SNTB1: variants seen among roughly 807,000 people sequenced by gnomAD.
SNTB1 encodes beta-1-syntrophin.
SNTB1 carries 36 observed loss-of-function variants against 48.9 expected under a neutral mutation model. The ratio of observed to expected loss-of-function variants is 0.74; its 90% CI spans 0.56 to 0.97. The LOEUF is 0.97. Ranked by LOEUF, SNTB1 falls within the 50% of genes least tolerant of loss-of-function variation. The probability of loss-of-function intolerance (pLI) is 0.00; values close to 1 mark genes in which losing one functional copy is unlikely to be tolerated. For synonymous variants in SNTB1, 299 were observed against 294.6 expected (o/e 1.01, Z -0.15); for missense variants, 786 against 703.4 (o/e 1.12, Z -1.33).
intron 1 of SNTB1, among the ~76,000 whole-genome samples, chr8:120,760,568 G>A (rs1228873886): frequency 6.6e-6 from 1 of 152,144 alleles, no homozygotes; most frequent in Non-Finnish European, 1.5e-5. Flanking sequence ...ACATTTGTAT[G>A]AGTTTTACCT....
At chr8:120,541,727 C>G in intron 6 of SNTB1, 83 bp downstream of exon 6, 1 of 1,004,032 alleles carries the variant, frequency 1.0e-6, no homozygotes, top group Non-Finnish European at 1.4e-6. Context: ...CAGTCAAATG[C>G]CGAATAAGAG....
chr8:120,544,798 T>C (rs1255230062), intron 5 of SNTB1, among the ~76,000 whole-genome samples: 4 of 151,098 alleles, frequency 2.6e-5, no homozygotes, highest in Admixed American at 2.0e-4. Flanking sequence ...AACTTTTTTT[T>C]TTTTTTTTTT....
At chr8:120,690,669 C>T (rs1818109000) in intron 2 of SNTB1, among the ~76,000 whole-genome samples, 2 of 152,184 alleles carry the variant, frequency 1.3e-5, no homozygotes, top group African/African-American at 4.8e-5. Flanking sequence ...TTTGCCCATC[C>T]TTGTATCTTT....
At chr8:120,626,410 G>A (rs546831677) in intron 3 of SNTB1, among the ~76,000 whole-genome samples, 1 of 152,078 alleles carries the variant, frequency 6.6e-6, no homozygotes, top group South Asian at 2.1e-4. Context: ...GGAAAAATTA[G>A]GATCATTACA....
intron 1 of SNTB1, among the ~76,000 whole-genome samples, chr8:120,778,947 G>A (rs1819785052): frequency 6.6e-6 from 1 of 152,212 alleles, no homozygotes; most frequent in African/African-American, 2.4e-5. Context: ...AATGCCTAGT[G>A]AGTCATTTAT....
rs1276081565 is a variant in SNTB1 at position 120,684,250 on chromosome 8, C to T, written c.788+9442G>A. Among the ~76,000 whole-genome samples, 6 of 152,148 alleles carry T rather than the reference C, an allele frequency of 3.9e-5. No individual in the cohort carries two copies. The South Asian group carries it at 1.0e-3, about 26-fold the overall frequency. On this transcript the variant is annotated intron_variant, in intron 2 of 6. Coordinates refer to ENST00000517992, the MANE Select transcript of SNTB1 (RefSeq NM_021021.4). Reference sequence around the variant, plus strand: ...CAGGCCCCATCTCTTAATACTATTACAATGGAGAGGAGTTTTCAACATATG... The same window carrying T: ...CAGGCCCCATCTCTTAATACTATTATAATGGAGAGGAGTTTTCAACATATG...
intron 1 of SNTB1, among the ~76,000 whole-genome samples, chr8:120,804,224 T>TTCCCTTTCTCCC (rs1820285787): frequency 1.3e-5 from 2 of 151,810 alleles, no homozygotes; most frequent in Admixed American, 1.3e-4. Flanking sequence ...CCTTCCCTCC[T>TTCCCTTTCTCCC]TCCCTTTCTC....
intron 1 of SNTB1, among the ~76,000 whole-genome samples, chr8:120,798,692 G>T (rs184173667): frequency 1.3e-5 from 2 of 151,998 alleles, no homozygotes; most frequent in African/African-American, 4.8e-5. Flanking sequence ...TAAAAATCTG[G>T]TATAGGTGGC....
chr8:120,615,485 T>G (rs141221745), intron 3 of SNTB1, among the ~76,000 whole-genome samples: 1 of 152,286 alleles, frequency 6.6e-6, no homozygotes, highest in East Asian at 1.9e-4. Context: ...CATTAAAAAC[T>G]GAGGGGAGGA....
intron 1 of SNTB1, among the ~76,000 whole-genome samples, chr8:120,730,263 G>A (rs1043296507): frequency 6.6e-6 from 1 of 152,168 alleles, no homozygotes; most frequent in African/African-American, 2.4e-5. Flanking sequence ...GGGTTCAAGT[G>A]ATTCTTCTGT....
At position 120,538,661 on chromosome 8, in the gene SNTB1, T is replaced by C; in HGVS notation, c.*216A>G. The C allele has an allele frequency of 1.6e-6, 1 of 623,594 alleles. No individual in the cohort carries two copies. The allele number at this position is 623,594 out of a possible 1,614,324, so 38.6% of individuals were successfully genotyped here. A position where few individuals can be genotyped will look rare whatever the true frequency, so the allele number is the denominator to read the frequency against. On this transcript the variant is annotated 3_prime_UTR_variant, in exon 7 of 7. Coordinates refer to ENST00000517992, the MANE Select transcript of SNTB1 (RefSeq NM_021021.4). ...TTAACCTTGTACTGTTCTAGAAAGTTTTACTCTGATATTTCTCATGGTACT... is the reference window on the plus strand; with the variant it reads ...TTAACCTTGTACTGTTCTAGAAAGTCTTACTCTGATATTTCTCATGGTACT...
At chr8:120,593,511 A>G (rs1338112309) in intron 3 of SNTB1, among the ~76,000 whole-genome samples, 1 of 152,212 alleles carries the variant, frequency 6.6e-6, no homozygotes, top group Non-Finnish European at 1.5e-5. Context: ...TGGGACTCAG[A>G]GTCTCTGTTG....
At position 120,541,898 on chromosome 8, in the gene SNTB1, A is replaced by G. The variant is rs1490667597; in HGVS notation, c.1436T>C (p.Ile479Thr). 2 of 1,613,988 alleles carry G rather than the reference A, an allele frequency of 1.2e-6. No homozygotes were observed. The highest frequency in any genetic ancestry group is 1.7e-5 in the Admixed American group (1 of 60,030). ...TTTGAGCTTTTCATAAGGAGACTGT[A>G]TGATGGTCTTGGGAAAGGCACCCTC... ...PQEGAFPKTI[I>T]QSPYEKLKMS... The change falls in exon 6 of 7, where the codon ATA becomes ACA. Residue 479 changes from isoleucine (I) to threonine (T), a missense_variant. Ile to Thr is a moderately conservative substitution (Grantham distance 89). Transcript: ENST00000517992.
In SNTB1 at chr8:120,571,167, G is replaced by A. The variant is rs190958390; in HGVS notation, c.1136+3919C>T. 4.6e-5 allele frequency: 56 copies of A among 1,217,842 alleles called. No homozygotes were observed. In the African/African-American group the frequency reaches 7.5e-4, roughly 16 times the overall value. 75.4% of individuals were successfully genotyped at this position (1,217,842 alleles called of 1,614,324 possible). A position where few individuals can be genotyped will look rare whatever the true frequency, so the allele number is the denominator to read the frequency against. ...ACTGTGAGAACAAGGCTATGTACGA[G>A]GGTAAATTTTATTTTCATGTTGCCT... On this transcript the variant is annotated intron_variant, in intron 4 of 6. Transcript: ENST00000517992.
At chr8:120,587,688 C>G (rs914345841) in intron 3 of SNTB1, among the ~76,000 whole-genome samples, 1 of 151,850 alleles carries the variant, frequency 6.6e-6, no homozygotes, top group African/African-American at 2.4e-5. Context: ...GGCCTGAGAT[C>G]TATGTGCTCT....
chr8:120,611,539 C>T (rs909865689), intron 3 of SNTB1, among the ~76,000 whole-genome samples: 54 of 152,126 alleles, frequency 3.5e-4, no homozygotes, highest in African/African-American at 1.3e-3. Context: ...GAAGGCAGTG[C>T]CAGGCCAGGT....
chr8:120,756,203 T>C (rs1054113567), intron 1 of SNTB1, among the ~76,000 whole-genome samples: 4 of 152,196 alleles, frequency 2.6e-5, no homozygotes, highest in Non-Finnish European at 5.9e-5. Flanking sequence ...TTTAATACAC[T>C]TAATACAACT....
At chr8:120,617,512 A>G (rs10099784) in intron 3 of SNTB1, among the ~76,000 whole-genome samples, 58,014 of 152,046 alleles carry the variant, frequency 0.38, 12,885 homozygotes, top group African/African-American at 0.62. Flanking sequence ...GACTGAATTG[A>G]TATGTAAAAC....
intron 1 of SNTB1, among the ~76,000 whole-genome samples, chr8:120,702,905 A>G (rs1397473225): frequency 6.6e-6 from 1 of 152,194 alleles, no homozygotes; most frequent in African/African-American, 2.4e-5. Flanking sequence ...GAGGATGCAT[A>G]GCCATTCTTA....
Sources: gnomAD v4.1 joint callset for allele counts (sites outside exome capture counted in the v4.1 genomes callset) on GRCh38, gnomAD v4.1.1 for gene constraint, MANE v1.5 for transcripts, NCBI Gene and HGNC (gene_info 2026-07-23, HGNC 2026-07-21) for gene names.